The following ASIC2 variants were observed in gnomAD, a reference collection of about 807,000 sequenced individuals.
ASIC2 encodes acid sensing ion channel subunit 2.
A neutral mutation model predicts 57.3 loss-of-function variants in ASIC2; 25 were observed. That is an observed-to-expected ratio of 0.44 (90% CI 0.32 to 0.61). ASIC2 has a LOEUF of 0.61. ASIC2 is among the 20% of genes least tolerant of loss of function. The probability of loss-of-function intolerance (pLI) is 0.06; values close to 1 mark genes in which losing one functional copy is unlikely to be tolerated. For missense variants in ASIC2, 641 were observed against 738.1 expected (o/e 0.87, Z 1.52); for synonymous variants, 319 against 307.5 (o/e 1.04, Z -0.39).
rs190625127 is a variant in ASIC2, at chr17:33,741,402, G to A, written c.555+414576C>T. ...CAGGACTGATAGGAAGATCTAACTG[G>A]ATGAAAGAGGCAAAGGCTATGTGGA... On this transcript the variant is annotated intron_variant, in intron 1 of 9. Coordinates refer to the ASIC2 transcript ENST00000359872. 1.2e-4 allele frequency among the ~76,000 whole-genome samples: 18 copies of A among 152,318 alleles called. No individual in the cohort carries two copies. The East Asian group carries it at 3.5e-3, about 29-fold the overall frequency.
At chr17:34,128,435 T>C (rs922563469) in intron 1 of ASIC2, among the ~76,000 whole-genome samples, 16 of 152,212 alleles carry the variant, frequency 1.1e-4, no homozygotes, top group African/African-American at 3.4e-4. Flanking sequence ...GGCCACCCGC[T>C]GCAGTGTGGT....
At chr17:33,432,081 T>A (rs953564281) in intron 1 of ASIC2, among the ~76,000 whole-genome samples, 1 of 152,178 alleles carries the variant, frequency 6.6e-6, no homozygotes, top group Non-Finnish European at 1.5e-5. Flanking sequence ...TTAATACAAT[T>A]GACCCTTGAA....
chr17:33,819,058 T>C (rs1009249858), intron 1 of ASIC2, among the ~76,000 whole-genome samples: 1 of 152,174 alleles, frequency 6.6e-6, no homozygotes, highest in African/African-American at 2.4e-5. Flanking sequence ...ACCCATGTGC[T>C]ATTTAGGAAA....
Position 33,740,142 on chromosome 17 carries a change from A to G in ASIC2, c.555+415836T>C, listed in dbSNP as rs1428700135. Among the ~76,000 whole-genome samples the G allele has an allele frequency of 4.6e-5, 7 of 152,350 alleles. 1 individual carries two copies. The highest frequency in any genetic ancestry group is 4.6e-4 in the Admixed American group (7 of 15,308). On this transcript the variant is annotated intron_variant, in intron 1 of 9. Coordinates refer to the ASIC2 transcript ENST00000359872. ...GTACAATATATGCCTTGAAGAATGAACTAGAATAAGTAGAGACAGGAGAGC... is the reference window on the plus strand; with the variant it reads ...GTACAATATATGCCTTGAAGAATGAGCTAGAATAAGTAGAGACAGGAGAGC...
upstream of ASIC2, among the ~76,000 whole-genome samples, chr17:33,295,653 ACCT>A (rs1905692464): frequency 6.6e-6 from 1 of 151,980 alleles, no homozygotes; most frequent in Non-Finnish European, 1.5e-5. Flanking sequence ...CAGGGACTAC[ACCT>A]CCTTCATATT....
intron 1 of ASIC2, among the ~76,000 whole-genome samples, chr17:33,675,669 T>G (rs1907797115): frequency 6.6e-6 from 1 of 152,194 alleles, no homozygotes; most frequent in Non-Finnish European, 1.5e-5. Context: ...CCTCCCAGGC[T>G]CAAGCCATCC....
chr17:33,799,463 T>TTTC (rs1912058279), intron 1 of ASIC2, among the ~76,000 whole-genome samples: 2 of 121,194 alleles, frequency 1.7e-5, no homozygotes, highest in African/African-American at 5.8e-5. Context: ...TCTTTCTTTC[T>TTTC]TTCTTTCTTT....
At chr17:33,359,599 C>T (rs1389688105) in intron 1 of ASIC2, among the ~76,000 whole-genome samples, 1 of 152,212 alleles carries the variant, frequency 6.6e-6, no homozygotes, top group Non-Finnish European at 1.5e-5. Context: ...TAATTATCAT[C>T]CATGCACCAA....
intron 1 of ASIC2, among the ~76,000 whole-genome samples, chr17:34,011,717 A>C (rs56406346): frequency 0.2 from 30,449 of 152,096 alleles, 3,249 homozygotes; most frequent in East Asian, 0.4. Context: ...CTAATTGCCA[A>C]ATCAAATGCA....
intron 1 of ASIC2, among the ~76,000 whole-genome samples, chr17:33,896,722 C>T (rs895748612): frequency 1.3e-5 from 2 of 152,224 alleles, no homozygotes; most frequent in Non-Finnish European, 2.9e-5. Context: ...AATCTGAATC[C>T]TCTCAGAACC....
At chr17:34,053,163 G>A (rs540993361) in intron 1 of ASIC2, among the ~76,000 whole-genome samples, 15 of 152,054 alleles carry the variant, frequency 9.9e-5, no homozygotes, top group Non-Finnish European at 2.2e-4. Flanking sequence ...TCCTTCTTAT[G>A]CTTTATGCCT....
rs192490231 is a variant in ASIC2, at chr17:33,318,248, G to A, written c.556-206181C>T. Among the ~76,000 whole-genome samples, 5 of 152,106 alleles carry A rather than the reference G, an allele frequency of 3.3e-5. No individual in the cohort carries two copies. In the East Asian group the frequency reaches 9.7e-4, roughly 29 times the overall value. On this transcript the variant is annotated intron_variant, in intron 1 of 9. Coordinates refer to the ASIC2 transcript ENST00000359872. ...CTCTTTGGGTTTCCAGGGCCTTCTT[G>A]CTTTCTTCTCTCGTCTTTAACAAAG...
chr17:33,123,098 C>CAA (rs1391443125), intron 1 of ASIC2, among the ~76,000 whole-genome samples: 1 of 152,128 alleles, frequency 6.6e-6, no homozygotes. Flanking sequence ...CTCAAAAAAC[C>CAA]AAAAATAGAA....
intron 1 of ASIC2, among the ~76,000 whole-genome samples, chr17:33,278,126 C>A (rs1904779522): frequency 6.6e-6 from 1 of 152,044 alleles, no homozygotes; most frequent in Non-Finnish European, 1.5e-5. Flanking sequence ...ATGTCACTTC[C>A]TCAGAGAATC....
Position 33,697,808 on chromosome 17 carries a change from A to G in ASIC2, c.555+458170T>C, listed in dbSNP as rs145876050. Among the ~76,000 whole-genome samples, 139 of 152,346 alleles carry G rather than the reference A, an allele frequency of 9.1e-4. 1 individual carries two copies. The highest frequency in any genetic ancestry group is 3.4e-3 in the Middle Eastern group (1 of 292). ...TATATGTATATAGTGATATATCTTC[A>G]TATGATATAGCAATACCATGAAAAG... On this transcript the variant is annotated intron_variant, in intron 1 of 9. Coordinates refer to the ASIC2 transcript ENST00000359872.
chr17:33,157,123 A>C (rs1213633202), intron 1 of ASIC2, among the ~76,000 whole-genome samples: 1 of 151,538 alleles, frequency 6.6e-6, no homozygotes, highest in African/African-American at 2.4e-5. Flanking sequence ...AGGCAAAAAA[A>C]CCCCCAGCAC....
chr17:33,981,160 C>T (rs936754232), intron 1 of ASIC2, among the ~76,000 whole-genome samples: 2 of 151,922 alleles, frequency 1.3e-5, no homozygotes, highest in East Asian at 3.9e-4. Flanking sequence ...CCATGTTGGC[C>T]AGGATGATCT....
At chr17:33,494,131 C>T (rs779990689) in intron 1 of ASIC2, among the ~76,000 whole-genome samples, 2 of 152,204 alleles carry the variant, frequency 1.3e-5, no homozygotes, top group Non-Finnish European at 2.9e-5. Flanking sequence ...TCCAGTGCCC[C>T]TCTCAATCAC....
At chr17:33,951,857 G>C (rs563526427) in intron 1 of ASIC2, among the ~76,000 whole-genome samples, 1 of 151,846 alleles carries the variant, frequency 6.6e-6, no homozygotes, top group African/African-American at 2.4e-5. Flanking sequence ...GCCTCCTAAA[G>C]TGTTGGGATT....
Sources: allele counts gnomAD v4.1 joint callset (sites outside exome capture counted in the v4.1 genomes callset), GRCh38; gene constraint gnomAD v4.1.1; transcripts MANE v1.5; gene names NCBI Gene and HGNC (gene_info 2026-07-23, HGNC 2026-07-21).